The following ROS1 variants were observed in gnomAD, a reference collection of about 807,000 sequenced individuals.
ROS1 encodes proto-oncogene tyrosine-protein kinase ROS.
A neutral mutation model predicts 273.5 loss-of-function variants in ROS1; 263 were observed. The observed-to-expected ratio is 0.96, with a 90% CI of 0.87 to 1.06. ROS1 has a LOEUF of 1.06. ROS1 is among the 50% of genes least tolerant of loss of function. The pLI is 0.00. For missense variants in ROS1, 2,833 were observed against 2,751.1 expected (o/e 1.03, Z -0.67); for synonymous variants, 1,008 against 954.1 (o/e 1.06, Z -1.04).
intron 13 of ROS1, 100 bp downstream of exon 13, chr6:117,389,250 G>A (rs1772845062): frequency 2.2e-6 from 3 of 1,371,558 alleles, no homozygotes; most frequent in Admixed American, 4.6e-5. Context: ...TGACTGAATA[G>A]CCAAATGGGG....
At chr6:117,394,921 A>G (rs1191646396) in intron 9 of ROS1, among the ~76,000 whole-genome samples, 183 bp from the exon 10 acceptor site, 2 of 152,204 alleles carry the variant, frequency 1.3e-5, no homozygotes, top group Non-Finnish European at 2.9e-5. Context: ...CTATGATTGG[A>G]GGTAGGAAGT....
chr6:117,360,273 GACACACACACACAC>G (rs36181502), intron 23 of ROS1, 55 bp downstream of exon 23: 13 of 763,726 alleles, frequency 1.7e-5, no homozygotes, highest in Middle Eastern at 2.3e-4. Context: ...ACACCAATGG[GACACACACACACAC>G]ACACACACAC....
intron 7 of ROS1, 59 bp downstream of exon 7, chr6:117,403,076 AAAAC>A (rs1774084446): frequency 2.5e-6 from 4 of 1,568,704 alleles, no homozygotes; most frequent in Non-Finnish European, 2.6e-6. Context: ...GTTTAAAATA[AAAAC>A]AAACTAAATC....
intron 7 of ROS1, among the ~76,000 whole-genome samples, chr6:117,402,067 A>G (rs1192652214): frequency 6.6e-6 from 1 of 152,136 alleles, no homozygotes; most frequent in Admixed American, 6.5e-5. Context: ...CTTTTAATGT[A>G]TAAGGCAGTT....
At chr6:117,290,794 G>A (rs1773781789) in intron 43 of ROS1, among the ~76,000 whole-genome samples, 1 of 151,982 alleles carries the variant, frequency 6.6e-6, no homozygotes, top group African/African-American at 2.4e-5. Context: ...GGATAGGCAT[G>A]GTATTATTGC....
chr6:117,392,826 A>T (rs563734485), intron 12 of ROS1, among the ~76,000 whole-genome samples: 131 of 152,286 alleles, frequency 8.6e-4, no homozygotes, highest in Middle Eastern at 3.4e-3. Flanking sequence ...AATGAACTAC[A>T]GTTGAATGGC....
At chr6:117,351,129 T>C (rs1326697771) in intron 27 of ROS1, among the ~76,000 whole-genome samples, 2 of 152,118 alleles carry the variant, frequency 1.3e-5, no homozygotes, top group East Asian at 3.9e-4. Context: ...TGGTAAGGTG[T>C]AGGGGAAGGG....
chr6:117,339,931 A>G (rs1348521149), intron 31 of ROS1, among the ~76,000 whole-genome samples: 1 of 152,128 alleles, frequency 6.6e-6, no homozygotes, highest in Non-Finnish European at 1.5e-5. Flanking sequence ...GCCTGGTGAC[A>G]TCTGGCATCT....
rs370858961 is a variant in ROS1 at position 117,287,793 on chromosome 6, G to A, written c.*699C>T. On this transcript the variant is annotated 3_prime_UTR_variant, in exon 44 of 44. Transcript: ENST00000368507. ...AAATTAGCCGGGCGTGGTGGCACAC[G>A]CCTGTAATCCCAGCTACTTAGGAGG... 2.6e-5 allele frequency among the ~76,000 whole-genome samples: 4 copies of A among 151,870 alleles called. No homozygotes were observed. Among genetic ancestry groups the A allele is most frequent in the African/African-American group, 7.2e-5 (3 of 41,438 alleles).
intron 31 of ROS1, among the ~76,000 whole-genome samples, chr6:117,338,134 G>A (rs1299717456): frequency 6.6e-6 from 1 of 151,900 alleles, no homozygotes; most frequent in Admixed American, 6.6e-5. Context: ...AAAAAGATAT[G>A]GCAATTTGTC....
intron 6 of ROS1, among the ~76,000 whole-genome samples, chr6:117,403,790 T>C (rs939808588): frequency 9.2e-5 from 14 of 152,204 alleles, no homozygotes; most frequent in African/African-American, 3.1e-4. Context: ...ATAAAATAAA[T>C]ATTTTCCCTA....
chr6:117,334,481 A>G (rs1468475229), intron 32 of ROS1, among the ~76,000 whole-genome samples: 1 of 152,224 alleles, frequency 6.6e-6, no homozygotes, highest in Non-Finnish European at 1.5e-5. Context: ...TCTTCATAGA[A>G]TTAGAAAAAG....
At position 117,344,205 on chromosome 6, in the gene ROS1, G is replaced by T; in HGVS notation, c.4361C>A (p.Thr1454Asn). Reference sequence around the variant, plus strand: ...TAATCTGATTGTGAGGCTAGTGTTAGTGGCATTAAGTATAGTTGGTTCCAC... The same window carrying T: ...TAATCTGATTGTGAGGCTAGTGTTATTGGCATTAAGTATAGTTGGTTCCAC... The part of the protein sequence containing the change: ...DTVEPTILNA[T>N]NTSLTIRLPL... The change falls in exon 28 of 44, where the codon ACT becomes AAT. Residue 1454 changes from threonine to asparagine, a missense_variant. Thr to Asn is a moderately conservative substitution (Grantham distance 65). Coordinates refer to ENST00000368507, the MANE Select transcript of ROS1 (RefSeq NM_001378902.1). The T allele has an allele frequency of 6.2e-7, 1 of 1,614,042 alleles. No homozygotes were observed. Among genetic ancestry groups the T allele is most frequent in the East Asian group, 2.2e-5 (1 of 44,870 alleles).
chr6:117,403,035 G>A (rs928039014), intron 7 of ROS1, 104 bp downstream of exon 7: 94 of 1,302,006 alleles, frequency 7.2e-5, no homozygotes, highest in Non-Finnish European at 9.5e-5. Flanking sequence ...TGAATGGATC[G>A]ATTAATAGGA....
rs765137339 is a variant in ROS1, at chr6:117,337,329, A to T, written c.5073T>A (p.Asn1691Lys). Residue 1691 changes from asparagine to lysine, a missense_variant, in exon 32 of 44, where the codon AAT becomes AAA. Physicochemically the swap from Asn to Lys is moderately conservative, Grantham distance 94. Transcript: ENST00000368507. ...FWVELQKWKY[N>K]EFYHVKTSCS... ...ATGAAGTTTTAACATGGTAAAACTC[A>T]TTGTATTTCCACTAGAAAAAGAAGT... 1 of 1,593,826 alleles carries T rather than the reference A, an allele frequency of 6.3e-7. No individual in the cohort carries two copies. The highest frequency in any genetic ancestry group is 1.8e-5 in the Admixed American group (1 of 54,632).
rs753364114 is a variant in ROS1 at position 117,365,581 on chromosome 6, C to T, written c.2958G>A (p.Lys986=). The T allele has an allele frequency of 6.2e-7, 1 of 1,612,454 alleles. No individual in the cohort carries two copies. Among genetic ancestry groups the T allele is most frequent in the Non-Finnish European group, 8.5e-7 (1 of 1,178,568 alleles). Reference sequence around the variant, plus strand: ...AAAGTTACTAGAACCAACACCATACCTTAGAATGAGCACTAAATTCTACAC... The same window carrying T: ...AAAGTTACTAGAACCAACACCATACTTTAGAATGAGCACTAAATTCTACAC... The part of the protein sequence containing the change: ...FYSVEFSAHS[K]FLASEQHSLP... Residue 986 remains lysine (K), a splice_region_variant and synonymous_variant, in exon 20 of 44, where the codon AAG becomes AAA. Coordinates refer to ENST00000368507, the MANE Select transcript of ROS1 (RefSeq NM_001378902.1).
chr6:117,348,085 A>G (rs572006428), intron 27 of ROS1, among the ~76,000 whole-genome samples: 59 of 152,148 alleles, frequency 3.9e-4, no homozygotes, highest in African/African-American at 1.4e-3. Context: ...ATTCTGGCCT[A>G]GAATAAACTC....
At position 117,322,109 on chromosome 6, in the gene ROS1, A is replaced by G. The variant is rs148460473; in HGVS notation, c.5624-715T>C. Among the ~76,000 whole-genome samples, 918 of 152,254 alleles carry G rather than the reference A, an allele frequency of 6.0e-3. 5 individuals carry two copies. Among genetic ancestry groups the G allele is most frequent in the African/African-American group, 0.021 (880 of 41,570 alleles). ...GGCTCAGAAGTTGAAAGCAGCAAGC[A>G]TGCTTTGAGAGATGATCATTAAAAT... On this transcript the variant is annotated intron_variant, in intron 35 of 43. Transcript: ENST00000368507.
At chr6:117,407,637 T>A (rs555206813) in intron 5 of ROS1, among the ~76,000 whole-genome samples, 2 of 152,202 alleles carry the variant, frequency 1.3e-5, no homozygotes, top group Non-Finnish European at 2.9e-5. Context: ...TAAAACATAC[T>A]GCCCAAAGTA....
Sources: gnomAD v4.1 joint callset for allele counts (sites outside exome capture counted in the v4.1 genomes callset) on GRCh38, gnomAD v4.1.1 for gene constraint, MANE v1.5 for transcripts, NCBI Gene and HGNC (gene_info 2026-07-23, HGNC 2026-07-21) for gene names.